Variants in TMEM114 observed in about 807,000 individuals in gnomAD.
The protein encoded by TMEM114 is transmembrane protein 114, also known as claudin-26.
A neutral mutation model predicts 6.2 loss-of-function variants in TMEM114; 6 were observed. The ratio of observed to expected loss-of-function variants is 0.97; its 90% CI spans 0.53 to 1.91. TMEM114 has a LOEUF of 1.91. Among genes scored for constraint, TMEM114 ranks in the 40% most tolerant of loss-of-function variants. The pLI, the probability that TMEM114 is intolerant of heterozygous loss-of-function variation, is 0.01. For synonymous variants in TMEM114, 104 were observed against 73.0 expected (o/e 1.42, Z -2.16); for missense variants, 218 against 158.3 (o/e 1.38, Z -2.02).
At chr16:8,549,814 T>C (rs977107182) in intron 2 of TMEM114, among the ~76,000 whole-genome samples, 1 of 152,046 alleles carries the variant, frequency 6.6e-6, no homozygotes, top group Non-Finnish European at 1.5e-5. Flanking sequence ...GCAGAAGTAA[T>C]AGGATAGATG....
chr16:8,567,888 A>G (rs1901598130), downstream of TMEM114, among the ~76,000 whole-genome samples: 2 of 152,166 alleles, frequency 1.3e-5, no homozygotes, highest in African/African-American at 4.8e-5. Context: ...TTTCCCCAGC[A>G]TTGTAACTGA....
At chr16:8,555,184 C>A (rs1243075742) in intron 2 of TMEM114, among the ~76,000 whole-genome samples, 1 of 152,230 alleles carries the variant, frequency 6.6e-6, no homozygotes, top group African/African-American at 2.4e-5. Flanking sequence ...ACTTTCTGAG[C>A]ACCTCATACA....
chr16:8,553,029 G>A (rs890899198), intron 2 of TMEM114, among the ~76,000 whole-genome samples: 2 of 152,232 alleles, frequency 1.3e-5, no homozygotes, highest in Admixed American at 6.5e-5. Context: ...TAATCCAGCC[G>A]AGGTTCTTGC....
chr16:8,565,426 C>T (rs1358935073), downstream of TMEM114, among the ~76,000 whole-genome samples: 2 of 152,142 alleles, frequency 1.3e-5, no homozygotes, highest in Non-Finnish European at 2.9e-5. Context: ...AGAAAGAGAG[C>T]GGCCAGTTGT....
chr16:8,559,077 G>T (rs1032550424), intron 2 of TMEM114, among the ~76,000 whole-genome samples: 59 of 119,264 alleles, frequency 4.9e-4, no homozygotes, highest in African/African-American at 1.9e-3. Flanking sequence ...GGAGTTTGCT[G>T]TGTCACCCAG....
intron 2 of TMEM114, among the ~76,000 whole-genome samples, chr16:8,546,990 G>A (rs1900687762): frequency 6.6e-6 from 1 of 152,160 alleles, no homozygotes; most frequent in African/African-American, 2.4e-5. Flanking sequence ...TTGGGTAAAG[G>A]TATCTAAGCA....
At chr16:8,541,144 A>T (rs571601241) in intron 2 of TMEM114, among the ~76,000 whole-genome samples, 1 of 152,190 alleles carries the variant, frequency 6.6e-6, no homozygotes, top group African/African-American at 2.4e-5. Flanking sequence ...TATGCCAGGC[A>T]TATTATATCA....
intron 3 of TMEM114, among the ~76,000 whole-genome samples, chr16:8,570,807 A>G (rs1019993246): frequency 7.2e-5 from 11 of 152,260 alleles, no homozygotes; most frequent in African/African-American, 2.6e-4. Flanking sequence ...CCAGTTACAC[A>G]TGGCTATTTA....
downstream of TMEM114, among the ~76,000 whole-genome samples, chr16:8,568,737 G>C (rs995619384): frequency 1.3e-5 from 2 of 152,228 alleles, no homozygotes; most frequent in Non-Finnish European, 2.9e-5. Context: ...AATCTTGCAG[G>C]AACAGAATCT....
intron 2 of TMEM114, among the ~76,000 whole-genome samples, chr16:8,562,773 T>A (rs930046483): frequency 4.0e-5 from 6 of 149,974 alleles, no homozygotes; most frequent in Admixed American, 4.0e-4. Context: ...AGGGAGGGAA[T>A]GAGTGAGTGA....
chr16:8,569,721 T>G lies in TMEM114; in HGVS notation c.*52A>C. The G allele has an allele frequency of 6.6e-7, 1 of 1,504,060 alleles. No individual in the cohort carries two copies. The highest frequency in any genetic ancestry group is 8.9e-7 in the Non-Finnish European group (1 of 1,121,262). 93.2% of individuals were successfully genotyped at this position (1,504,060 alleles called of 1,614,324 possible). ...GCCGCAGCCGATGGAGATCGGTCGG[T>G]GAAGCTCCGGGGCCAAGCCCCTCCC... On this transcript the variant is annotated 3_prime_UTR_variant, in exon 4 of 4. Coordinates refer to ENST00000620492, the MANE Select transcript of TMEM114 (RefSeq NM_001146336.2).
chr16:8,560,073 T>C (rs1175846754), intron 2 of TMEM114, among the ~76,000 whole-genome samples: 1 of 152,162 alleles, frequency 6.6e-6, no homozygotes, highest in African/African-American at 2.4e-5. Flanking sequence ...CACAGCTCAC[T>C]GCAGCCTCGA....
intron 2 of TMEM114, among the ~76,000 whole-genome samples, chr16:8,547,424 G>A (rs1163140015): frequency 3.5e-5 from 5 of 143,088 alleles, no homozygotes; most frequent in South Asian, 2.2e-4. Context: ...ACGGAGTCTC[G>A]CTCTGTCACC....
At chr16:8,530,170 C>T in the TMEM114 span, among the ~76,000 whole-genome samples, 2 of 152,156 alleles carry the variant, frequency 1.3e-5, no homozygotes, top group African/African-American at 2.4e-5. Context: ...CATCTCCTTC[C>T]CACCCTCTAA....
At chr16:8,561,071 G>A (rs1044441566) in intron 2 of TMEM114, among the ~76,000 whole-genome samples, 7 of 152,136 alleles carry the variant, frequency 4.6e-5, no homozygotes, top group African/African-American at 1.2e-4. Context: ...CAGTATGGGG[G>A]AAACTGCTCC....
At chr16:8,546,682 G>A (rs1468168825) in intron 2 of TMEM114, among the ~76,000 whole-genome samples, 1 of 152,182 alleles carries the variant, frequency 6.6e-6, no homozygotes, top group African/African-American at 2.4e-5. Flanking sequence ...ACCCAAGAAA[G>A]CTAACCAGAT....
At chr16:8,582,458 G>A (rs1458974056) in intron 2 of TMEM114, among the ~76,000 whole-genome samples, 1 of 152,200 alleles carries the variant, frequency 6.6e-6, no homozygotes, top group Non-Finnish European at 1.5e-5. Context: ...TCTGAAAGAG[G>A]CAATGTTGGA....
chr16:8,559,514 G>T (rs1243431401), intron 2 of TMEM114, among the ~76,000 whole-genome samples: 1 of 152,242 alleles, frequency 6.6e-6, no homozygotes, highest in South Asian at 2.1e-4. Context: ...TCCAGTGGGT[G>T]CAGGAGGGAG....
At chr16:8,547,563 T>C (rs890253884) in intron 2 of TMEM114, among the ~76,000 whole-genome samples, 3 of 152,020 alleles carry the variant, frequency 2.0e-5, no homozygotes, top group Admixed American at 6.6e-5. Flanking sequence ...TGGCCAATTT[T>C]TGTATTTTTA....
Sources: gnomAD v4.1 joint callset for allele counts (sites outside exome capture counted in the v4.1 genomes callset) on GRCh38, gnomAD v4.1.1 for gene constraint, MANE v1.5 for transcripts, NCBI Gene and HGNC (gene_info 2026-07-23, HGNC 2026-07-21) for gene names.